The following APP variants were observed in gnomAD, a reference collection of about 807,000 sequenced individuals.
APP encodes amyloid beta precursor protein.
A neutral mutation model predicts 101.4 loss-of-function variants in APP; 31 were observed. The observed-to-expected ratio is 0.31, with a 90% CI of 0.23 to 0.41. APP has a LOEUF of 0.41. Among genes scored for constraint, APP ranks in the 10% least tolerant of loss-of-function variants. APP has a pLI of 1.00. For missense variants in APP, 839 were observed against 1,003.7 expected (o/e 0.84, Z 2.22); for synonymous variants, 366 against 364.4 (o/e 1.00, Z -0.05).
intron 16 of APP, among the ~76,000 whole-genome samples, chr21:25,897,318 A>C (rs1189396530): frequency 6.6e-6 from 1 of 151,860 alleles, no homozygotes; most frequent in Non-Finnish European, 1.5e-5. Context: ...GTTTCACCAT[A>C]TTGGCCAGGC....
At chr21:25,975,902 TA>T in intron 10 of APP, 51 bp downstream of exon 10, 1 of 1,473,692 alleles carries the variant, frequency 6.8e-7, no homozygotes, top group Non-Finnish European at 9.5e-7. Flanking sequence ...AGACACTCAT[TA>T]AAAAGACTGC....
intron 3 of APP, among the ~76,000 whole-genome samples, chr21:26,085,691 A>G (rs2061689327): frequency 6.6e-6 from 1 of 152,218 alleles, no homozygotes; most frequent in South Asian, 2.1e-4. Context: ...CCCTGGTATA[A>G]AATGTCACAG....
intron 16 of APP, 120 bp from the exon 17 acceptor site, chr21:25,891,988 TA>T (rs1451763426): frequency 9.3e-7 from 1 of 1,076,088 alleles, no homozygotes; most frequent in Non-Finnish European, 1.3e-6. Context: ...TGAGGTTATA[TA>T]AAAAGTTTCA....
At chr21:26,019,160 T>C (rs920462777) in intron 6 of APP, among the ~76,000 whole-genome samples, 28 of 152,206 alleles carry the variant, frequency 1.8e-4, no homozygotes, top group Admixed American at 1.8e-3. Context: ...CCTGGAAAAA[T>C]CTGCAGCGCA....
At chr21:26,075,198 T>C (rs940087118) in intron 3 of APP, among the ~76,000 whole-genome samples, 1 of 152,248 alleles carries the variant, frequency 6.6e-6, no homozygotes, top group Admixed American at 6.5e-5. Context: ...TTATTAAATA[T>C]GTACTATGTA....
chr21:26,081,545 G>A (rs1467751857), intron 3 of APP, among the ~76,000 whole-genome samples: 2 of 152,144 alleles, frequency 1.3e-5, no homozygotes, highest in African/African-American at 4.8e-5. Context: ...ATCAGTTAAG[G>A]CAGGAACAGG....
At chr21:25,886,849 G>A (rs1011883296) in intron 17 of APP, among the ~76,000 whole-genome samples, 8 of 152,054 alleles carry the variant, frequency 5.3e-5, no homozygotes, top group African/African-American at 7.2e-5. Context: ...CAATGCCAAC[G>A]TCAGTGCGTC....
At chr21:26,090,277 G>A (rs1335588592) in intron 2 of APP, among the ~76,000 whole-genome samples, 2 of 152,174 alleles carry the variant, frequency 1.3e-5, no homozygotes, top group African/African-American at 2.4e-5. Context: ...CTGGAATCCG[G>A]AAAGTCCAAA....
intron 11 of APP, among the ~76,000 whole-genome samples, chr21:25,971,751 G>C (rs902735310): frequency 6.6e-6 from 1 of 152,178 alleles, no homozygotes; most frequent in Non-Finnish European, 1.5e-5. Flanking sequence ...CTCTTCCCAC[G>C]AGTCAGGTGA....
chr21:26,065,208 A>ATAAT, intron 3 of APP, among the ~76,000 whole-genome samples: 1 of 152,270 alleles, frequency 6.6e-6, no homozygotes, highest in African/African-American at 2.4e-5. Flanking sequence ...GCCACACAGG[A>ATAAT]TCATTGTCAG....
intron 16 of APP, among the ~76,000 whole-genome samples, chr21:25,893,475 A>G (rs1017280728): frequency 5.9e-5 from 9 of 152,250 alleles, no homozygotes; most frequent in African/African-American, 1.7e-4. Flanking sequence ...AAGGAGATTA[A>G]AAGTGCTACT....
rs543560082 is a variant in APP, at chr21:26,035,051, G to A, written c.663-13009C>T. On this transcript the variant is annotated intron_variant, in intron 5 of 17. Transcript: ENST00000346798. ...CTGTAATTCTAGCACTCTGGGAGAC[G>A]GAGGTGGGAGGACTGCTTGAGTTCA... 2.6e-5 allele frequency among the ~76,000 whole-genome samples: 4 copies of A among 152,196 alleles called. No individual in the cohort carries two copies. In the South Asian group the frequency reaches 6.2e-4, roughly 24 times the overall value.
chr21:26,059,718 G>A (rs368334069), intron 3 of APP, among the ~76,000 whole-genome samples: 6 of 151,902 alleles, frequency 3.9e-5, no homozygotes, highest in Non-Finnish European at 5.9e-5. Context: ...GTGAAACCCC[G>A]TCTCTACTAA....
At chr21:25,963,211 G>A (rs1474420258) in intron 11 of APP, among the ~76,000 whole-genome samples, 1 of 152,082 alleles carries the variant, frequency 6.6e-6, no homozygotes, top group Non-Finnish European at 1.5e-5. Context: ...CTGGGACTTG[G>A]GAAAAGTCTC....
At chr21:26,149,740 T>C (rs185506690) in intron 1 of APP, among the ~76,000 whole-genome samples, 1 of 152,384 alleles carries the variant, frequency 6.6e-6, no homozygotes, top group Non-Finnish European at 1.5e-5. Context: ...AAAATGTACA[T>C]TCTTTTCCAA....
At chr21:26,104,494 T>C (rs143338682) in intron 2 of APP, among the ~76,000 whole-genome samples, 156 of 152,316 alleles carry the variant, frequency 1.0e-3, no homozygotes, top group African/African-American at 3.4e-3. Context: ...ATTTAAACCA[T>C]AAGATCCAAG....
intron 5 of APP, among the ~76,000 whole-genome samples, chr21:26,028,849 G>C (rs925071199): frequency 3.3e-5 from 5 of 152,118 alleles, no homozygotes; most frequent in Non-Finnish European, 7.4e-5. Context: ...AAAAATTATG[G>C]AAAAGTACTA....
chr21:26,020,715 T>G (rs1026450072), intron 6 of APP, among the ~76,000 whole-genome samples: 11 of 152,226 alleles, frequency 7.2e-5, no homozygotes, highest in Non-Finnish European at 1.5e-5. Flanking sequence ...GCCAAGCAGA[T>G]GGCAGATATG....
Position 26,018,121 on chromosome 21 carries a change from C to T in APP, c.865+3719G>A, listed in dbSNP as rs978492813. 5.9e-5 allele frequency among the ~76,000 whole-genome samples: 9 copies of T among 152,150 alleles called. 1 individual carries two copies. Among genetic ancestry groups the T allele is most frequent in the South Asian group, 4.1e-4 (2 of 4,826 alleles). ...AATATGGCAGAGAAGATTATGACTA[C>T]GCTAAAAGTGTCTTATTTTTCTTCC... is the stretch of plus-strand genomic sequence containing the variant. On this transcript the variant is annotated intron_variant, in intron 6 of 17. Transcript: ENST00000346798.
Sources: allele counts gnomAD v4.1 joint callset (sites outside exome capture counted in the v4.1 genomes callset), GRCh38; gene constraint gnomAD v4.1.1; transcripts MANE v1.5; gene names NCBI Gene and HGNC (gene_info 2026-07-23, HGNC 2026-07-21).